Variants in DDI2 observed in about 807,000 individuals in gnomAD.
DDI2 encodes protein DDI1 homolog 2.
A neutral mutation model predicts 48.1 loss-of-function variants in DDI2; 5 were observed. That is an observed-to-expected ratio of 0.10 (90% CI 0.05 to 0.22). DDI2 has a LOEUF of 0.22. DDI2 is among the 10% of genes least tolerant of loss of function. The probability of loss-of-function intolerance (pLI) is 1.00; values close to 1 mark genes in which losing one functional copy is unlikely to be tolerated. For synonymous variants in DDI2, 205 were observed against 183.6 expected (o/e 1.12, Z -0.94); for missense variants, 285 against 506.2 (o/e 0.56, Z 4.19).
At chr1:15,651,009 C>T (rs1640170619) in intron 7 of DDI2, among the ~76,000 whole-genome samples, 1 of 152,076 alleles carries the variant, frequency 6.6e-6, no homozygotes, top group Non-Finnish European at 1.5e-5. Context: ...CACCCATCAC[C>T]ACGCCCGGCT....
At chr1:15,650,233 TG>T (rs1299029477) in intron 7 of DDI2, among the ~76,000 whole-genome samples, 1 of 152,236 alleles carries the variant, frequency 6.6e-6, no homozygotes, top group Non-Finnish European at 1.5e-5. Context: ...AGGTATATGT[TG>T]GGAGTGAAAG....
chr1:15,617,629 C>A lies in DDI2; in HGVS notation c.-42C>A. 7.6e-7 allele frequency: 1 copy of A among 1,318,274 alleles called. No individual in the cohort carries two copies. The highest frequency in any genetic ancestry group is 9.7e-7 in the Non-Finnish European group (1 of 1,026,162). 81.7% of individuals were successfully genotyped at this position (1,318,274 alleles called of 1,614,324 possible). ...CGCCTCTTCCCCTGCGCCCCGCGCC[C>A]AGGCCGGGCCGAGCCGAGCCGAGCC... is the stretch of plus-strand genomic sequence containing the variant. On this transcript the variant is annotated 5_prime_UTR_variant, in exon 1 of 10. Coordinates refer to ENST00000480945, the MANE Select transcript of DDI2 (RefSeq NM_032341.5).
chr1:15,644,742 C>T (rs1484624366), intron 6 of DDI2, among the ~76,000 whole-genome samples: 4 of 150,454 alleles, frequency 2.7e-5, no homozygotes, highest in South Asian at 2.1e-4. Context: ...TACAGGCGCC[C>T]GCCACCGCAC....
At position 15,617,459 on chromosome 1, in the gene DDI2, G is replaced by C. The variant is rs1639579266; in HGVS notation, c.-212G>C. 6.2e-6 allele frequency: 2 copies of C among 320,238 alleles called. No individual in the cohort carries two copies. Among genetic ancestry groups the C allele is most frequent in the Non-Finnish European group, 1.1e-5 (2 of 179,618 alleles). The allele number at this position is 320,238 out of a possible 1,614,324, so 19.8% of individuals were successfully genotyped here. Reference sequence around the variant, plus strand: ...GCCGTGGGAGGCAGGCCGGCAGGCAGACGGACTCGCAGGCGTGTGGCGGCG... The same window carrying C: ...GCCGTGGGAGGCAGGCCGGCAGGCACACGGACTCGCAGGCGTGTGGCGGCG... On this transcript the variant is annotated 5_prime_UTR_variant, in exon 1 of 10. Transcript: ENST00000480945.
chr1:15,617,818 G>A lies in DDI2; in HGVS notation c.138+10G>A. 6.3e-7 allele frequency: 1 copy of A among 1,586,366 alleles called. No homozygotes were observed. On this transcript the variant is annotated intron_variant, in intron 1 of 9. Coordinates refer to ENST00000480945, the MANE Select transcript of DDI2 (RefSeq NM_032341.5). ...CGCAGCCGAGAGCCAGGTACGCCGG[G>A]CAGCGAGCCGGGCCTGCCCCGGAGC... is the stretch of plus-strand genomic sequence containing the variant.
intron 6 of DDI2, among the ~76,000 whole-genome samples, chr1:15,644,532 G>T (rs933509645): frequency 3.6e-5 from 5 of 140,402 alleles, no homozygotes; most frequent in Non-Finnish European, 7.7e-5. Context: ...GCTGGATTCT[G>T]TTCCGATTCT....
chr1:15,652,451 G>A lies in DDI2; in HGVS notation c.1183+556G>A, dbSNP rs894696665. 1.7e-4 allele frequency among the ~76,000 whole-genome samples: 10 copies of A among 59,400 alleles called. 1 individual carries two copies. Among genetic ancestry groups the A allele is most frequent in the Admixed American group, 3.7e-4 (2 of 5,432 alleles). 39.0% of individuals were successfully genotyped at this position (59,400 alleles called of 152,430 possible). A position where few individuals can be genotyped will look rare whatever the true frequency, so the allele number is the denominator to read the frequency against. ...CCCAGCACTTTGGGAGGCTCCGGAGGGGGGGGGGGGGGGGCGGATCACCTG... is the reference window on the plus strand; with the variant it reads ...CCCAGCACTTTGGGAGGCTCCGGAGAGGGGGGGGGGGGGGCGGATCACCTG... On this transcript the variant is annotated intron_variant, in intron 8 of 9. Coordinates refer to ENST00000480945, the MANE Select transcript of DDI2 (RefSeq NM_032341.5).
intron 9 of DDI2, among the ~76,000 whole-genome samples, chr1:15,658,142 A>T (rs1640298917): frequency 6.6e-6 from 1 of 151,744 alleles, no homozygotes; most frequent in Non-Finnish European, 1.5e-5. Context: ...TTTGATTTTT[A>T]TTTTTTATTA....
intron 3 of DDI2, among the ~76,000 whole-genome samples, chr1:15,631,288 G>GT: frequency 6.6e-6 from 1 of 152,180 alleles, no homozygotes; most frequent in Admixed American, 6.5e-5. Flanking sequence ...GTTATTTTTT[G>GT]TATTTTTTGT....
chr1:15,648,208 T>C (rs529619954), intron 6 of DDI2, among the ~76,000 whole-genome samples: 29 of 152,332 alleles, frequency 1.9e-4, no homozygotes, highest in African/African-American at 6.3e-4. Flanking sequence ...ACTGGTTCCT[T>C]CAGGGGCTGA....
intron 7 of DDI2, 144 bp downstream of exon 7, chr1:15,649,967 T>C: frequency 1.4e-6 from 1 of 736,840 alleles, no homozygotes; most frequent in Non-Finnish European, 2.1e-6. Flanking sequence ...TATGTTGCTA[T>C]ACAGAGGTTG....
chr1:15,646,556 G>A (rs949161473), intron 6 of DDI2, among the ~76,000 whole-genome samples: 7 of 152,000 alleles, frequency 4.6e-5, no homozygotes, highest in African/African-American at 7.2e-5. Flanking sequence ...GCGTGGTGGC[G>A]GGTGCCTGTA....
intron 9 of DDI2, among the ~76,000 whole-genome samples, chr1:15,657,432 G>T (rs1332642082): frequency 6.6e-6 from 1 of 152,108 alleles, no homozygotes; most frequent in African/African-American, 2.4e-5. Context: ...TGTAAGGATA[G>T]GTTAAAAGCA....
In DDI2 at chr1:15,617,806, C is replaced by G. The variant is rs1382395013; in HGVS notation, c.136C>G (p.Gln46Glu). 6.3e-7 allele frequency: 1 copy of G among 1,596,264 alleles called. No individual in the cohort carries two copies. Among genetic ancestry groups the G allele is most frequent in the Admixed American group, 1.7e-5 (1 of 59,174 alleles). Residue 46 changes from glutamine to glutamate, a missense_variant and splice_region_variant, in exon 1 of 10, where the codon CAG becomes GAG. Around this residue, in one of 3 missense-constraint regions of DDI2, gnomAD observed 149 missense variants for 236.5 expected, o/e 0.63. Coordinates refer to ENST00000480945, the MANE Select transcript of DDI2 (RefSeq NM_032341.5). ...LESGIPAAESQIVYAERPLTD... is the reference protein window; with the variant it reads ...LESGIPAAESEIVYAERPLTD... Reference sequence around the variant, plus strand: ...GTCTGGCATCCCCGCAGCCGAGAGCCAGGTACGCCGGGCAGCGAGCCGGGC... The same window carrying G: ...GTCTGGCATCCCCGCAGCCGAGAGCGAGGTACGCCGGGCAGCGAGCCGGGC...
intron 4 of DDI2, among the ~76,000 whole-genome samples, chr1:15,637,454 G>GC (rs1488022994): frequency 6.6e-6 from 1 of 152,016 alleles, no homozygotes; most frequent in East Asian, 1.9e-4. Context: ...TGCAACCTCC[G>GC]CCCCCCGGGT....
chr1:15,642,125 T>C (rs542994794), intron 5 of DDI2, among the ~76,000 whole-genome samples: 1 of 152,006 alleles, frequency 6.6e-6, no homozygotes, highest in Non-Finnish European at 1.5e-5. Context: ...CACAGAGAAA[T>C]CCAAAGTGAG....
intron 4 of DDI2, chr1:15,634,186 C>T (rs1373540153): frequency 6.2e-6 from 1 of 160,342 alleles, no homozygotes; most frequent in Non-Finnish European, 1.4e-5. Context: ...GACTCTTCTC[C>T]CAAATCTGAT....
At chr1:15,656,383 C>G (rs959599268) in intron 8 of DDI2, 3 of 1,383,962 alleles carry the variant, frequency 2.2e-6, no homozygotes, top group Non-Finnish European at 1.9e-6. Flanking sequence ...AAATTAATTT[C>G]TTTACAAGAT....
chr1:15,625,282 C>T (rs930018959), intron 1 of DDI2, among the ~76,000 whole-genome samples: 3 of 152,096 alleles, frequency 2.0e-5, no homozygotes, highest in African/African-American at 7.2e-5. Flanking sequence ...TCATGCCCCT[C>T]GCAGGGAGTT....
Sources: gnomAD v4.1 joint callset for allele counts (sites outside exome capture counted in the v4.1 genomes callset) on GRCh38, gnomAD v4.1.1 for gene constraint, gnomAD v4.1.1 regional missense constraint, MANE v1.5 for transcripts, NCBI Gene and HGNC (gene_info 2026-07-23, HGNC 2026-07-21) for gene names.